The following NTRK2 variants were observed in gnomAD, a reference collection of about 807,000 sequenced individuals.
The protein encoded by NTRK2 is BDNF/NT-3 growth factors receptor.
In NTRK2, 13 loss-of-function variants were observed where a neutral mutation model predicts 94.5. The ratio of observed to expected loss-of-function variants is 0.14; its 90% CI spans 0.09 to 0.22. The LOEUF is 0.22. Ranked by LOEUF, NTRK2 falls within the 10% of genes least tolerant of loss-of-function variation. The pLI is 1.00. For synonymous variants in NTRK2, 372 were observed against 407.4 expected (o/e 0.91, Z 1.05); for missense variants, 639 against 1,071.2 (o/e 0.60, Z 5.63).
At chr9:84,993,289 C>A (rs1330986547) in intron 17 of NTRK2, among the ~76,000 whole-genome samples, 2 of 152,198 alleles carry the variant, frequency 1.3e-5, no homozygotes, top group Non-Finnish European at 1.5e-5. Context: ...CAGTCATTCT[C>A]ACTTGCTCAG....
At position 84,980,022 on chromosome 9, in the gene NTRK2, A is replaced by C. The variant is rs540602156; in HGVS notation, c.2172+24505A>C. Among the ~76,000 whole-genome samples the C allele has an allele frequency of 4.6e-5, 7 of 152,370 alleles. No individual in the cohort carries two copies. The South Asian group carries it at 6.2e-4, about 14-fold the overall frequency. ...CTTGTGTAAGCACGGGAAAACAAAA[A>C]AAATTGTGTGACCCCATTTATTGCC... On this transcript the variant is annotated intron_variant, in intron 17 of 18. Coordinates refer to ENST00000277120, the MANE Select transcript of NTRK2 (RefSeq NM_006180.6).
chr9:84,701,699 T>C (rs2060733995), intron 2 of NTRK2, among the ~76,000 whole-genome samples: 1 of 151,998 alleles, frequency 6.6e-6, no homozygotes, highest in African/African-American at 2.4e-5. Flanking sequence ...AAACGCACCT[T>C]AGTATTTTAG....
intron 2 of NTRK2, among the ~76,000 whole-genome samples, chr9:84,679,774 C>T (rs923160930): frequency 2.6e-5 from 4 of 152,196 alleles, no homozygotes; most frequent in African/African-American, 7.2e-5. Flanking sequence ...CTTTTGGTGG[C>T]TAAACAGCAG....
At chr9:84,970,119 G>GCCT (rs1826008152) in intron 17 of NTRK2, among the ~76,000 whole-genome samples, 1 of 152,122 alleles carries the variant, frequency 6.6e-6, no homozygotes, top group Non-Finnish European at 1.5e-5. Flanking sequence ...GGCCGGGCAT[G>GCCT]GTGGTTCATG....
intron 12 of NTRK2, among the ~76,000 whole-genome samples, chr9:84,817,551 CT>C (rs2072506635): frequency 6.6e-6 from 1 of 152,216 alleles, no homozygotes; most frequent in South Asian, 2.1e-4. Context: ...CTCTGAATGT[CT>C]TACACTGAAT....
At chr9:84,814,508 A>T (rs1403528816) in intron 12 of NTRK2, 1 of 1,065,326 alleles carries the variant, frequency 9.4e-7, no homozygotes, top group Non-Finnish European at 1.1e-6. Context: ...TTTTTGTTTC[A>T]TTGGTTGTTT....
rs2118013336 is a variant in NTRK2, at chr9:85,021,365, C to T, written c.2445C>T (p.Asn815=). 1.9e-6 allele frequency: 3 copies of T among 1,614,162 alleles called. No homozygotes were observed. The highest frequency in any genetic ancestry group is 1.3e-5 in the African/African-American group (1 of 75,046). The change falls in exon 19 of 19, where the codon AAC becomes AAT. Residue 815 remains asparagine, a synonymous_variant. Coordinates refer to ENST00000277120, the MANE Select transcript of NTRK2 (RefSeq NM_006180.6). ...AGCGAGAGCCCCACATGAGGAAGAA[C>T]ATCAAGGGCATCCATACCCTCCTTC... is the stretch of plus-strand genomic sequence containing the variant. ...CWQREPHMRK[N]IKGIHTLLQN...
chr9:84,931,560 C>T (rs1028633783), intron 14 of NTRK2, among the ~76,000 whole-genome samples: 1 of 152,072 alleles, frequency 6.6e-6, no homozygotes, highest in Non-Finnish European at 1.5e-5. Context: ...AGAAAAGATG[C>T]AGCTCTCCTG....
chr9:84,805,091 G>C (rs150410588), intron 12 of NTRK2, among the ~76,000 whole-genome samples: 7 of 152,102 alleles, frequency 4.6e-5, no homozygotes, highest in African/African-American at 1.2e-4. Context: ...TTGAGTCCTC[G>C]GACACTTGTC....
intron 12 of NTRK2, chr9:84,813,086 T>C: frequency 1.9e-6 from 2 of 1,039,566 alleles, no homozygotes; most frequent in Non-Finnish European, 2.3e-6. Flanking sequence ...CTAATGCATG[T>C]GTTGCATTAT....
chr9:84,725,401 A>G (rs1395285951), intron 8 of NTRK2, among the ~76,000 whole-genome samples: 1 of 152,132 alleles, frequency 6.6e-6, no homozygotes, highest in East Asian at 1.9e-4. Context: ...GTTATCTCCA[A>G]ACATATGCAA....
chr9:85,014,090 G>C (rs953581444), intron 17 of NTRK2, among the ~76,000 whole-genome samples: 7 of 152,184 alleles, frequency 4.6e-5, no homozygotes, highest in African/African-American at 1.2e-4. Flanking sequence ...TTTTGGTGGG[G>C]TATGATCCTT....
intron 12 of NTRK2, among the ~76,000 whole-genome samples, chr9:84,796,593 A>T (rs534828049): frequency 2.2e-4 from 34 of 152,342 alleles, no homozygotes; most frequent in African/African-American, 8.2e-4. Context: ...GCTATTTCAA[A>T]AGATGGTATT....
intron 11 of NTRK2, among the ~76,000 whole-genome samples, chr9:84,749,450 C>T (rs77079229): frequency 0.013 from 1,954 of 152,240 alleles, 46 homozygotes; most frequent in African/African-American, 0.045. Context: ...TATTTTCCTG[C>T]CTTCATTCTC....
At chr9:84,699,731 A>C (rs2060606389) in intron 2 of NTRK2, among the ~76,000 whole-genome samples, 1 of 141,918 alleles carries the variant, frequency 7.0e-6, no homozygotes, top group African/African-American at 2.6e-5. Context: ...ATATCTCTTT[A>C]TTTTTAATTT....
chr9:84,870,613 C>A (rs940479113), intron 14 of NTRK2, among the ~76,000 whole-genome samples: 2 of 151,570 alleles, frequency 1.3e-5, no homozygotes, highest in African/African-American at 4.8e-5. Flanking sequence ...CTTGGCCTCC[C>A]AAGGGAGGGA....
chr9:84,949,270 G>A (rs144676709), intron 16 of NTRK2, among the ~76,000 whole-genome samples: 8 of 152,260 alleles, frequency 5.3e-5, no homozygotes, highest in East Asian at 3.9e-4. Flanking sequence ...CAGATTATGC[G>A]GAGACCCTGA....
chr9:84,949,398 T>G (rs1037199656), intron 16 of NTRK2, among the ~76,000 whole-genome samples: 2 of 152,096 alleles, frequency 1.3e-5, no homozygotes, highest in Admixed American at 1.3e-4. Context: ...GGGCTATTGA[T>G]TAGGGTTAGT....
chr9:84,858,579 C>T (rs920572862), intron 12 of NTRK2, among the ~76,000 whole-genome samples: 13 of 152,012 alleles, frequency 8.6e-5, no homozygotes, highest in Non-Finnish European at 1.0e-4. Flanking sequence ...TAGAAATCCT[C>T]TGAGCCCTCT....
Sources: gnomAD v4.1 joint callset for allele counts (sites outside exome capture counted in the v4.1 genomes callset) on GRCh38, gnomAD v4.1.1 for gene constraint, MANE v1.5 for transcripts, NCBI Gene and HGNC (gene_info 2026-07-23, HGNC 2026-07-21) for gene names.